The following AK4 variants were observed in gnomAD, a reference collection of about 807,000 sequenced individuals.
AK4 encodes the protein adenylate kinase 4.
A neutral mutation model predicts 24.6 loss-of-function variants in AK4; 13 were observed. That is an observed-to-expected ratio of 0.53 (90% CI 0.34 to 0.84). The LOEUF is 0.84. AK4 is among the 40% of genes least tolerant of loss of function. The pLI, the probability that AK4 is intolerant of heterozygous loss-of-function variation, is 0.01. For synonymous variants in AK4, 88 were observed against 107.0 expected (o/e 0.82, Z 1.10); for missense variants, 192 against 288.2 (o/e 0.67, Z 2.42).
At chr1:65,198,234 T>A (rs983456759) in intron 2 of AK4, among the ~76,000 whole-genome samples, 2 of 152,192 alleles carry the variant, frequency 1.3e-5, no homozygotes, top group African/African-American at 4.8e-5. Context: ...TTCTAAAGAA[T>A]GAAGAATAGT....
chr1:65,197,078 C>T (rs1335132091), intron 2 of AK4, among the ~76,000 whole-genome samples: 1 of 152,078 alleles, frequency 6.6e-6, no homozygotes, highest in African/African-American at 2.4e-5. Context: ...CAGTTACCTC[C>T]TACCAGGTTC....
intron 1 of AK4, among the ~76,000 whole-genome samples, chr1:65,163,319 G>A (rs1027276337): frequency 5.9e-5 from 9 of 152,068 alleles, no homozygotes; most frequent in African/African-American, 2.2e-4. Flanking sequence ...AATGATTCAC[G>A]AATCGGGCAG....
chr1:65,157,503 G>A (rs1650021306), intron 1 of AK4, among the ~76,000 whole-genome samples: 1 of 152,158 alleles, frequency 6.6e-6, no homozygotes, highest in Admixed American at 6.6e-5. Flanking sequence ...ACACAATTGG[G>A]CTGGGTGTGG....
intron 1 of AK4, among the ~76,000 whole-genome samples, chr1:65,173,148 G>C (rs914155057): frequency 6.6e-6 from 1 of 152,182 alleles, no homozygotes; most frequent in Non-Finnish European, 1.5e-5. Flanking sequence ...GCAGGCGTGA[G>C]TCACTGCGCC....
intron 1 of AK4, among the ~76,000 whole-genome samples, chr1:65,173,081 C>G (rs1650594123): frequency 6.6e-6 from 1 of 152,054 alleles, no homozygotes. Context: ...CTAGGCTGGT[C>G]TTGAATGCCT....
intron 1 of AK4, among the ~76,000 whole-genome samples, chr1:65,181,761 G>A (rs1352634464): frequency 1.3e-5 from 2 of 152,154 alleles, no homozygotes; most frequent in Admixed American, 6.5e-5. Flanking sequence ...ATAACTTGAC[G>A]TTGTTTTGAT....
intron 1 of AK4, among the ~76,000 whole-genome samples, chr1:65,167,860 T>G (rs1203119149): frequency 6.6e-6 from 1 of 152,206 alleles, no homozygotes; most frequent in East Asian, 1.9e-4. Context: ...CTGTCATCCA[T>G]AAACTGTCAT....
At chr1:65,162,225 G>A (rs1490949787) in intron 1 of AK4, among the ~76,000 whole-genome samples, 6 of 152,140 alleles carry the variant, frequency 3.9e-5, no homozygotes, top group Non-Finnish European at 8.8e-5. Flanking sequence ...TAGCCTGGGC[G>A]ATACAGTGAG....
intron 1 of AK4, among the ~76,000 whole-genome samples, chr1:65,152,645 T>C (rs757633474): frequency 1.6e-4 from 24 of 151,628 alleles, no homozygotes; most frequent in Non-Finnish European, 3.1e-4. Context: ...ATGATCTGCC[T>C]GCCTCGGCCT....
intron 2 of AK4, among the ~76,000 whole-genome samples, chr1:65,192,792 G>T (rs1424715440): frequency 1.3e-5 from 2 of 152,184 alleles, no homozygotes; most frequent in Non-Finnish European, 2.9e-5. Context: ...GAAGAAAGGG[G>T]CAGGTGGTCA....
chr1:65,193,389 G>A (rs747263123), intron 2 of AK4, among the ~76,000 whole-genome samples: 3 of 152,128 alleles, frequency 2.0e-5, no homozygotes, highest in East Asian at 1.9e-4. Context: ...GAAGATCTCC[G>A]AAATGCCTTT....
intron 1 of AK4, among the ~76,000 whole-genome samples, chr1:65,182,959 T>C (rs994071522): frequency 6.6e-6 from 1 of 152,210 alleles, no homozygotes; most frequent in Non-Finnish European, 1.5e-5. Flanking sequence ...TAAAATTCCA[T>C]GAACTTTTGC....
intron 1 of AK4, 65 bp downstream of exon 1, chr1:65,148,617 G>C: frequency 6.8e-7 from 1 of 1,466,544 alleles, no homozygotes; most frequent in South Asian, 1.4e-5. Context: ...GCCCTGGAGG[G>C]ACTGGGGCTC....
chr1:65,166,310 CTGTGTG>C (rs34870729), intron 1 of AK4, among the ~76,000 whole-genome samples: 6,976 of 143,064 alleles, frequency 0.049, 199 homozygotes, highest in Admixed American at 0.11. Context: ...GGGATTTAAG[CTGTGTG>C]TGTGTGTGTG....
intron 1 of AK4, among the ~76,000 whole-genome samples, chr1:65,188,690 G>C (rs907392620): frequency 1.3e-5 from 2 of 151,806 alleles, no homozygotes; most frequent in Non-Finnish European, 2.9e-5. Context: ...GTGTTAGCCA[G>C]GATGGTCTTG....
intron 2 of AK4, among the ~76,000 whole-genome samples, chr1:65,215,335 C>A (rs1652099569): frequency 6.6e-6 from 1 of 151,976 alleles, no homozygotes; most frequent in Admixed American, 6.6e-5. Context: ...CCATGCCCGG[C>A]TAATTTTTAT....
intron 2 of AK4, among the ~76,000 whole-genome samples, chr1:65,202,866 CTTTTTTT>C (rs34143736): frequency 4.4e-5 from 4 of 91,814 alleles, no homozygotes; most frequent in Non-Finnish European, 7.8e-5. Flanking sequence ...GCTGTGTAGT[CTTTTTTT>C]TTTTTTTTTT....
chr1:65,192,708 G>A (rs1651343493), intron 2 of AK4, among the ~76,000 whole-genome samples: 1 of 152,208 alleles, frequency 6.6e-6, no homozygotes, highest in Middle Eastern at 3.2e-3. Context: ...ATCAAAGCAA[G>A]TCATCTACTT....
At chr1:65,206,775 TCAAA>T (rs1220042302) in intron 2 of AK4, among the ~76,000 whole-genome samples, 1 of 152,174 alleles carries the variant, frequency 6.6e-6, no homozygotes, top group African/African-American at 2.4e-5. Context: ...AGACCCTGTC[TCAAA>T]CAAAACAAAA....
Sources: gnomAD v4.1 joint callset for allele counts (sites outside exome capture counted in the v4.1 genomes callset) on GRCh38, gnomAD v4.1.1 for gene constraint, MANE v1.5 for transcripts, NCBI Gene and HGNC (gene_info 2026-07-23, HGNC 2026-07-21) for gene names.